Variants in ABCG1 observed in about 807,000 individuals in gnomAD.
The protein encoded by ABCG1 is ATP-binding cassette sub-family G member 1.
Under a neutral mutation model 69.2 loss-of-function variants are expected in ABCG1, and 29 were observed. That is an observed-to-expected ratio of 0.42 (90% CI 0.31 to 0.57). ABCG1 has a LOEUF of 0.57. Among genes scored for constraint, ABCG1 ranks in the 20% least tolerant of loss-of-function variants. The pLI is 0.15. For synonymous variants in ABCG1, 370 were observed against 374.8 expected (o/e 0.99, Z 0.15); for missense variants, 718 against 898.1 (o/e 0.80, Z 2.56).
In ABCG1 at chr21:42,219,534, G is replaced by T. The variant is rs1004843178; in HGVS notation, c.42+230G>T. On this transcript the variant is annotated intron_variant, in intron 1 of 14. Transcript: ENST00000398449. This position sits in a 1 kb window ranked among gnomAD's most constrained non-coding sequence, Gnocchi z 5.3. ...TTGCACCGGCAGAGAGCACGGACTAGGTGGAGGGGCCGGGAGTGGGGCGGG... is the reference window on the plus strand; with the variant it reads ...TTGCACCGGCAGAGAGCACGGACTATGTGGAGGGGCCGGGAGTGGGGCGGG... Among the ~76,000 whole-genome samples, 3 of 152,196 alleles carry T rather than the reference G, an allele frequency of 2.0e-5. No individual in the cohort carries two copies. The highest frequency in any genetic ancestry group is 4.4e-5 in the Non-Finnish European group (3 of 68,036).
chr21:42,230,392 T>G (rs891188843), intron 2 of ABCG1, among the ~76,000 whole-genome samples: 14 of 152,214 alleles, frequency 9.2e-5, no homozygotes, highest in Admixed American at 6.5e-4. Context: ...ACGTAGCTTG[T>G]GTTGATGGGA....
chr21:42,293,710 C>G (rs1569243386), intron 13 of ABCG1, among the ~76,000 whole-genome samples: 2 of 149,616 alleles, frequency 1.3e-5, no homozygotes, highest in Non-Finnish European at 3.0e-5. Context: ...TACACATACA[C>G]CACACTACAC....
chr21:42,256,052 G>A (rs889867897), intron 2 of ABCG1: 3 of 900,960 alleles, frequency 3.3e-6, no homozygotes, highest in Non-Finnish European at 4.4e-6. Flanking sequence ...CTGGGAGTCA[G>A]GTGCCTTGAC....
intron 1 of ABCG1, among the ~76,000 whole-genome samples, chr21:42,220,376 T>G (rs2067705343): frequency 1.3e-5 from 2 of 151,678 alleles, no homozygotes; most frequent in African/African-American, 4.9e-5. Context: ...TCAGCAGGGC[T>G]CAGCAGGATT....
At chr21:42,251,643 CG>C (rs1476229747) in intron 2 of ABCG1, among the ~76,000 whole-genome samples, 3 of 150,392 alleles carry the variant, frequency 2.0e-5, no homozygotes, top group Non-Finnish European at 4.4e-5. Context: ...GGAGGCGAGG[CG>C]GGGGGAATGG....
At chr21:42,220,101 T>A in intron 1 of ABCG1, 1 of 1,500,782 alleles carries the variant, frequency 6.7e-7, no homozygotes, top group South Asian at 1.2e-5. Context: ...TTTCTGGCAT[T>A]AGGAACAAAC....
Position 42,288,150 on chromosome 21 carries a change from CA to C in ABCG1, c.1123-59del. On this transcript the variant is annotated intron_variant, in intron 9 of 14. Coordinates refer to ENST00000398449, the MANE Select transcript of ABCG1 (RefSeq NM_016818.3). The surrounding 1 kb of genome is among the most constrained non-coding windows in gnomAD (Gnocchi z 4.8). ...CTGCTGCATGAGAGCTCTTTCCGAG[CA>C]AGAAGGAGCCGTGGCTCCGGACTGG... 6.2e-7 allele frequency: 1 copy of C among 1,610,536 alleles called. No individual in the cohort carries two copies. The highest frequency in any genetic ancestry group is 1.1e-5 in the South Asian group (1 of 91,008).
intron 2 of ABCG1, among the ~76,000 whole-genome samples, chr21:42,236,594 C>T (rs889530292): frequency 1.3e-5 from 2 of 152,216 alleles, no homozygotes; most frequent in African/African-American, 4.8e-5. Flanking sequence ...GACCCAAGGG[C>T]TTGCTTTTCC....
rs141186591 is a variant in ABCG1 at position 42,288,112 on chromosome 21, G to A, written c.1122+75G>A. ...CGAAGCCCCCTGGGGGAGGCTGCACGTGGCACCGTGCACTGCTGCATGAGA... is the reference window on the plus strand; with the variant it reads ...CGAAGCCCCCTGGGGGAGGCTGCACATGGCACCGTGCACTGCTGCATGAGA... On this transcript the variant is annotated intron_variant, in intron 9 of 14. Coordinates refer to ENST00000398449, the MANE Select transcript of ABCG1 (RefSeq NM_016818.3). This position sits in a 1 kb window ranked among gnomAD's most constrained non-coding sequence, Gnocchi z 4.8. The A allele has an allele frequency of 2.2e-5, 35 of 1,608,328 alleles. No homozygotes were observed. In the African/African-American group the frequency reaches 3.7e-4, roughly 17 times the overall value.
chr21:42,243,455 T>C (rs60279758), intron 2 of ABCG1, among the ~76,000 whole-genome samples: 13,127 of 145,574 alleles, frequency 0.09, 1,003 homozygotes, highest in African/African-American at 0.22. Flanking sequence ...CGCGTGTGTG[T>C]GTGTGTGTGT....
rs767436931 is a variant in ABCG1, at chr21:42,291,542, G to A, written c.1539G>A (p.Thr513=). ...VAYCSIVYWM[T]SQPSDAVRFV... is the part of the protein sequence containing the mutation. ...ACTGCAGCATCGTGTACTGGATGAC[G>A]TCGCAGCCGTCCGACGCCGTGCGCT... Residue 513 remains threonine (T), a synonymous_variant, in exon 13 of 15, where the codon ACG becomes ACA. Transcript: ENST00000398449. This position sits in a 1 kb window ranked among gnomAD's most constrained non-coding sequence, Gnocchi z 6.4. The A allele has an allele frequency of 3.1e-6, 5 of 1,613,558 alleles. No individual in the cohort carries two copies. Among genetic ancestry groups the A allele is most frequent in the South Asian group, 1.1e-5 (1 of 91,076 alleles).
chr21:42,271,053 G>T lies in ABCG1; in HGVS notation c.287-17G>T. On this transcript the variant is annotated splice_polypyrimidine_tract_variant and intron_variant, in intron 2 of 14. Coordinates refer to ENST00000398449, the MANE Select transcript of ABCG1 (RefSeq NM_016818.3). ...GATAAAATGAAATGAATATGAATAT[G>T]ATCTGCTTTTTTGCAGGATACAAGA... 6.9e-7 allele frequency: 1 copy of T among 1,441,528 alleles called. No individual in the cohort carries two copies. The highest frequency in any genetic ancestry group is 1.4e-5 in the South Asian group (1 of 69,738). 89.3% of individuals were successfully genotyped at this position (1,441,528 alleles called of 1,614,324 possible).
At chr21:42,212,385 C>G (rs2067597471), upstream of ABCG1, among the ~76,000 whole-genome samples, 1 of 152,088 alleles carries the variant, frequency 6.6e-6, no homozygotes, top group Non-Finnish European at 1.5e-5. Flanking sequence ...GAAGAAGACA[C>G]AGAGCCTCCG....
intron 13 of ABCG1, among the ~76,000 whole-genome samples, chr21:42,293,239 C>T (rs1456208119): frequency 1.4e-5 from 2 of 140,402 alleles, no homozygotes; most frequent in Non-Finnish European, 3.0e-5. Context: ...ACACACCACA[C>T]ACACACCACA....
chr21:42,220,027 C>T, intron 1 of ABCG1: 2 of 1,552,876 alleles, frequency 1.3e-6, no homozygotes. Flanking sequence ...TCGGCGAGTT[C>T]ACTGCTGGAC....
chr21:42,294,672 G>C lies in ABCG1; in HGVS notation c.1772+12G>C, dbSNP rs375818241. ...ATCTCCTATGTCAGGTAGCGGGCGT[G>C]GGGCACGCATGGCGTGGGGACCGAG... On this transcript the variant is annotated intron_variant, in intron 14 of 14. Transcript: ENST00000398449. 5 of 1,610,544 alleles carry C rather than the reference G, an allele frequency of 3.1e-6. No individual in the cohort carries two copies. The African/African-American group carries it at 6.7e-5, about 22-fold the overall frequency.
intron 2 of ABCG1, among the ~76,000 whole-genome samples, chr21:42,202,787 A>G (rs539480787): frequency 1.3e-4 from 20 of 151,924 alleles, no homozygotes; most frequent in Non-Finnish European, 2.2e-4. Context: ...AATTTTTAAA[A>G]TTTTTTATAG....
chr21:42,232,810 C>T (rs763306133), intron 2 of ABCG1, among the ~76,000 whole-genome samples: 20 of 152,286 alleles, frequency 1.3e-4, no homozygotes, highest in Non-Finnish European at 2.5e-4. Flanking sequence ...AACATGACAC[C>T]GTTTCTTTTG....
Position 42,276,736 on chromosome 21 carries a change from T to G in ABCG1, c.538-159T>G. On this transcript the variant is annotated intron_variant, in intron 4 of 14. Transcript: ENST00000398449. The surrounding 1 kb of genome is among the most constrained non-coding windows in gnomAD (Gnocchi z 5.3). ...GCTAGCTGCACCGTGGCTAGCGGCA[T>G]TGTGGCTAGCTGCACTGTGGGTAGC... 4.4e-6 allele frequency: 3 copies of G among 687,402 alleles called. No individual in the cohort carries two copies. Among genetic ancestry groups the G allele is most frequent in the Non-Finnish European group, 5.1e-6 (2 of 394,856 alleles). 42.6% of individuals were successfully genotyped at this position (687,402 alleles called of 1,614,324 possible). A position where few individuals can be genotyped will look rare whatever the true frequency, so the allele number is the denominator to read the frequency against.
Sources: gnomAD v4.1 joint callset for allele counts (sites outside exome capture counted in the v4.1 genomes callset) on GRCh38, gnomAD v4.1.1 for gene constraint, Gnocchi (gnomAD v3.1) non-coding constraint, MANE v1.5 for transcripts, NCBI Gene and HGNC (gene_info 2026-07-23, HGNC 2026-07-21) for gene names.